Variants in HPR observed in about 807,000 individuals in gnomAD.
The protein encoded by HPR is haptoglobin-related protein, also known as Haptoglobin-related locus.
A neutral mutation model predicts 18.5 loss-of-function variants in HPR; 17 were observed. That is an observed-to-expected ratio of 0.92 (90% CI 0.63 to 1.38). The LOEUF is 1.38. HPR is among the 40% of genes most tolerant of loss of function. The pLI is 0.00. For missense variants in HPR, 457 were observed against 432.4 expected (o/e 1.06, Z -0.51); for synonymous variants, 176 against 165.0 (o/e 1.07, Z -0.51).
At chr16:72,074,982 G>C (rs568524880) in intron 3 of HPR, among the ~76,000 whole-genome samples, 163 bp from the exon 4 acceptor site, 1 of 151,690 alleles carries the variant, frequency 6.6e-6, no homozygotes, top group African/African-American at 2.4e-5. Context: ...TTCCAGCACA[G>C]CACTCTTTCC....
In HPR at chr16:72,074,390, G is replaced by A. The variant is rs2041694274; in HGVS notation, c.193+5G>A. 2.5e-6 allele frequency: 4 copies of A among 1,596,438 alleles called. No individual in the cohort carries two copies. The highest frequency in any genetic ancestry group is 1.1e-5 in the South Asian group (1 of 90,702). ...GACTGCGCACAGAAGGAGATGGTAA[G>A]ACCTGGACAACTATCTCTGTGCTCT... On this transcript the variant is annotated splice_donor_5th_base_variant and intron_variant, in intron 3 of 4. Coordinates refer to ENST00000540303, the MANE Select transcript of HPR (RefSeq NM_020995.4).
Position 72,076,313 on chromosome 16 carries a change from G to T in HPR, c.279G>T (p.Lys93Asn). 1.2e-6 allele frequency: 2 copies of T among 1,613,392 alleles called. No individual in the cohort carries two copies. Among genetic ancestry groups the T allele is most frequent in the Non-Finnish European group, 1.7e-6 (2 of 1,179,610 alleles). The change falls in exon 5 of 5, where the codon AAG (lysine) becomes AAT (asparagine). Residue 93 changes from lysine (K) to asparagine (N), a missense_variant. Transcript: ENST00000540303. ...KLPECEAVCG[K>N]PKNPANPVQR... ...TGCTCTCCTTGACAGTATGTGGGAA[G>T]CCCAAGAATCCGGCAAACCCAGTGC...
At chr16:72,068,394 G>A (rs989055134) in intron 1 of HPR, among the ~76,000 whole-genome samples, 2 of 152,086 alleles carry the variant, frequency 1.3e-5, no homozygotes, top group African/African-American at 2.4e-5. Flanking sequence ...AGGGTTAGTT[G>A]GATACTGCCG....
intron 1 of HPR, among the ~76,000 whole-genome samples, chr16:72,069,340 A>G (rs1232876318): frequency 5.3e-5 from 8 of 152,208 alleles, no homozygotes; most frequent in Admixed American, 5.2e-4. Context: ...CCCGGGCACC[A>G]GAAAAGCCTT....
At chr16:72,072,650 G>A (rs1028267358) in intron 1 of HPR, among the ~76,000 whole-genome samples, 6 of 152,062 alleles carry the variant, frequency 3.9e-5, no homozygotes, top group South Asian at 2.1e-4. Flanking sequence ...TCAGAATAGG[G>A]TTGCTTATTC....
chr16:72,069,324 C>T (rs1422588068), intron 1 of HPR, among the ~76,000 whole-genome samples: 4 of 152,124 alleles, frequency 2.6e-5, no homozygotes, highest in Non-Finnish European at 5.9e-5. Flanking sequence ...AGCTATTGTC[C>T]GTGTACCCGG....
intron 1 of HPR, among the ~76,000 whole-genome samples, chr16:72,065,569 A>ACCC (rs2041589477): frequency 6.6e-6 from 1 of 152,180 alleles, no homozygotes; most frequent in Non-Finnish European, 1.5e-5. Context: ...GCATAAGAAG[A>ACCC]AGGAGCAAAT....
chr16:72,073,406 G>T (rs932382005), intron 1 of HPR, among the ~76,000 whole-genome samples: 2 of 152,158 alleles, frequency 1.3e-5, no homozygotes, highest in Admixed American at 1.3e-4. Context: ...TTTGATTATG[G>T]AAAATTTCAA....
In HPR at chr16:72,076,393, A is replaced by G; in HGVS notation, c.359A>G (p.Lys120Arg). Residue 120 changes from lysine to arginine, a missense_variant, in exon 5 of 5, where the codon AAG becomes AGG. Coordinates refer to ENST00000540303, the MANE Select transcript of HPR (RefSeq NM_020995.4). Reference protein sequence around the residue: ...DAKGSFPWQAKMVSHHNLTTG... With the variant: ...DAKGSFPWQARMVSHHNLTTG... Reference sequence around the variant, plus strand: ...AAAGGCAGCTTTCCCTGGCAGGCTAAGATGGTTTCCCACCATAATCTCACC... The same window carrying G: ...AAAGGCAGCTTTCCCTGGCAGGCTAGGATGGTTTCCCACCATAATCTCACC... The G allele has an allele frequency of 6.2e-7, 1 of 1,614,174 alleles. No individual in the cohort carries two copies. Among genetic ancestry groups the G allele is most frequent in the African/African-American group, 1.3e-5 (1 of 75,050 alleles).
At chr16:72,070,257 A>G (rs919476159) in intron 1 of HPR, among the ~76,000 whole-genome samples, 3 of 152,214 alleles carry the variant, frequency 2.0e-5, no homozygotes, top group African/African-American at 7.2e-5. Context: ...CACTGCTAAC[A>G]TTCCTACATT....
Position 72,076,589 on chromosome 16 carries a change from C to A in HPR, c.555C>A (p.His185Gln). The change falls in exon 5 of 5, where the codon CAC (histidine) becomes CAA (glutamine). Residue 185 changes from histidine to glutamine, a missense_variant. By Grantham distance (24) the His-to-Gln change is conservative. Coordinates refer to ENST00000540303, the MANE Select transcript of HPR (RefSeq NM_020995.4). ...IEKVVLHPNY[H>Q]QVDIGLIKLK... Reference sequence around the variant, plus strand: ...AGGTGGTTCTACACCCTAACTACCACCAGGTAGATATTGGGCTCATCAAAC... The same window carrying A: ...AGGTGGTTCTACACCCTAACTACCAACAGGTAGATATTGGGCTCATCAAAC... The A allele has an allele frequency of 6.2e-7, 1 of 1,614,178 alleles. No individual in the cohort carries two copies. Among genetic ancestry groups the A allele is most frequent in the Non-Finnish European group, 8.5e-7 (1 of 1,180,036 alleles).
rs1290664356 is a variant in HPR at position 72,063,267 on chromosome 16, C to T, written c.5+7C>T. On this transcript the variant is annotated splice_region_variant and intron_variant, in intron 1 of 4. Coordinates refer to ENST00000540303, the MANE Select transcript of HPR (RefSeq NM_020995.4). The stretch of plus-strand genomic sequence containing the variant: ...CAAGACCAACCAAGATGAGGTGGGT[C>T]CACAGCTTTCCCTCCTGCCTTTCCT... The T allele has an allele frequency of 6.3e-7, 1 of 1,591,342 alleles. No homozygotes were observed. Among genetic ancestry groups the T allele is most frequent in the African/African-American group, 1.4e-5 (1 of 73,762 alleles).
At chr16:72,065,740 T>G (rs1384321529) in intron 1 of HPR, among the ~76,000 whole-genome samples, 1 of 152,138 alleles carries the variant, frequency 6.6e-6, no homozygotes, top group East Asian at 1.9e-4. Context: ...CTATGCTCTT[T>G]GTTGGAAGCA....
At chr16:72,072,946 C>T (rs2144071798) in intron 1 of HPR, among the ~76,000 whole-genome samples, 1 of 152,280 alleles carries the variant, frequency 6.6e-6, no homozygotes. Context: ...CAAGGCCAGA[C>T]TTCCTTACTC....
chr16:72,063,285 C>T lies in HPR; in HGVS notation c.5+25C>T, dbSNP rs1252407638. The T allele has an allele frequency of 8.9e-6, 14 of 1,581,062 alleles. No homozygotes were observed. The Middle Eastern group carries it at 5.1e-4, about 58-fold the overall frequency. Reference sequence around the variant, plus strand: ...GGTGGGTCCACAGCTTTCCCTCCTGCCTTTCCTCTGGTTCTTTATTTCAGT... The same window carrying T: ...GGTGGGTCCACAGCTTTCCCTCCTGTCTTTCCTCTGGTTCTTTATTTCAGT... On this transcript the variant is annotated intron_variant, in intron 1 of 4. Transcript: ENST00000540303.
At chr16:72,074,839 C>A in intron 3 of HPR, 4 of 646,926 alleles carry the variant, frequency 6.2e-6, no homozygotes, top group South Asian at 3.8e-5. Flanking sequence ...GGTTGAGTAT[C>A]TTGCCCAAAT....
chr16:72,068,922 A>C (rs372399422), intron 1 of HPR, among the ~76,000 whole-genome samples: 1 of 152,146 alleles, frequency 6.6e-6, no homozygotes, highest in Non-Finnish European at 1.5e-5. Context: ...TTGACTACCA[A>C]ACAAAACTCA....
intron 1 of HPR, among the ~76,000 whole-genome samples, chr16:72,068,219 C>T (rs1326883790): frequency 4.6e-5 from 7 of 152,090 alleles, no homozygotes; most frequent in African/African-American, 1.2e-4. Context: ...ATCTACAGTT[C>T]GAGGGGTTAC....
At chr16:72,068,080 T>C (rs2041616492) in intron 1 of HPR, among the ~76,000 whole-genome samples, 1 of 152,162 alleles carries the variant, frequency 6.6e-6, no homozygotes, top group African/African-American at 2.4e-5. Context: ...TTTGGTCAAA[T>C]TTTAGAACAA....
Sources: allele counts gnomAD v4.1 joint callset (sites outside exome capture counted in the v4.1 genomes callset), GRCh38; gene constraint gnomAD v4.1.1; transcripts MANE v1.5; gene names NCBI Gene and HGNC (gene_info 2026-07-23, HGNC 2026-07-21).